The following C12orf76 variants were observed in gnomAD, a reference collection of about 807,000 sequenced individuals.
C12orf76 encodes the protein chromosome 12 open reading frame 76, also known as uncharacterized protein C12orf76.
C12orf76 carries 6 observed loss-of-function variants against 6.8 expected under a neutral mutation model. The observed-to-expected ratio is 0.88, with a 90% CI of 0.48 to 1.73. C12orf76 has a LOEUF of 1.73. Ranked by LOEUF, C12orf76 falls within the 40% of genes most tolerant of loss-of-function variation. The pLI is 0.01. For synonymous variants in C12orf76, 56 were observed against 43.7 expected (o/e 1.28, Z -1.11); for missense variants, 99 against 98.2 (o/e 1.01, Z -0.03).
At chr12:110,068,234 G>A (rs1310945088), upstream of C12orf76, among the ~76,000 whole-genome samples, 5 of 126,894 alleles carry the variant, frequency 3.9e-5, no homozygotes, top group Admixed American at 4.4e-4. Context: ...AAGGAGAAGA[G>A]AAGAAGAAGA....
chr12:110,066,004 T>C, exon 2 of C12orf76: 1 of 1,607,100 alleles, frequency 6.2e-7, no homozygotes, highest in East Asian at 2.2e-5. Flanking sequence ...TCTCTGACCT[T>C]CTGACCTCCC....
upstream of C12orf76, among the ~76,000 whole-genome samples, chr12:110,053,392 C>T (rs190763316): frequency 2.0e-4 from 31 of 151,304 alleles, no homozygotes; most frequent in African/African-American, 6.1e-4. Context: ...CCAGCTACTC[C>T]GGAGGCTGAG....
At chr12:110,068,262 G>GAA (rs1231107743), upstream of C12orf76, among the ~76,000 whole-genome samples, 100 of 99,106 alleles carry the variant, frequency 1.0e-3, 1 homozygote, top group Non-Finnish European at 1.5e-3. Context: ...AGAAGAAGAA[G>GAA]AAGAAGAAGA....
chr12:110,049,744 ATGG>A (rs1892544277), upstream of C12orf76: 1 of 152,238 alleles, frequency 6.6e-6, no homozygotes, highest in Non-Finnish European at 1.5e-5. Flanking sequence ...AGGGGATGCG[ATGG>A]CTTGGCTTGG....
At chr12:110,064,886 C>T (rs1010694752) in intron 2 of C12orf76, among the ~76,000 whole-genome samples, 4 of 152,178 alleles carry the variant, frequency 2.6e-5, no homozygotes, top group Non-Finnish European at 5.9e-5. Flanking sequence ...CCTGTGGGTG[C>T]AGGAGAGAAG....
intron 4 of C12orf76, chr12:110,056,891 T>C (rs1892677365): frequency 3.3e-6 from 1 of 298,554 alleles, no homozygotes; most frequent in Non-Finnish European, 6.3e-6. Flanking sequence ...CCCAGCCATG[T>C]GGAACTGTGA....
intron 1 of C12orf76, among the ~76,000 whole-genome samples, chr12:110,073,218 C>G (rs1892981921): frequency 6.6e-6 from 1 of 152,192 alleles, no homozygotes; most frequent in Non-Finnish European, 1.5e-5. Context: ...TCCCGCTCGC[C>G]TTCCATGGCT....
chr12:110,071,111 G>C (rs1348736848), upstream of C12orf76, among the ~76,000 whole-genome samples: 1 of 152,072 alleles, frequency 6.6e-6, no homozygotes, highest in Non-Finnish European at 1.5e-5. Context: ...TTGTTGAGTA[G>C]TAAAAATAGG....
At chr12:110,062,154 C>G (rs1396410837) in intron 2 of C12orf76, among the ~76,000 whole-genome samples, 1 of 152,058 alleles carries the variant, frequency 6.6e-6, no homozygotes, top group Non-Finnish European at 1.5e-5. Flanking sequence ...ATCCCAGCTA[C>G]TTAGGAAGCT....
exon 1 of C12orf76, chr12:110,073,527 C>T: frequency 1.9e-6 from 1 of 518,436 alleles, no homozygotes; most frequent in Non-Finnish European, 3.9e-6. Context: ...ATCACTGCAG[C>T]TGCAGCAGGC....
At chr12:110,048,534 C>T (rs530949041), upstream of C12orf76, 4 of 1,376,950 alleles carry the variant, frequency 2.9e-6, no homozygotes, top group South Asian at 6.5e-5. Context: ...CCACTTCCGT[C>T]GCAAGCCCTG....
chr12:110,048,737 T>C, upstream of C12orf76: 1 of 1,073,974 alleles, frequency 9.3e-7, no homozygotes, highest in Non-Finnish European at 1.2e-6. Context: ...TGTGCCAACG[T>C]TCGCCGCGAT....
At chr12:110,068,264 AGAAGAAGAAG>A (rs1170332481), upstream of C12orf76, among the ~76,000 whole-genome samples, 18 of 113,260 alleles carry the variant, frequency 1.6e-4, no homozygotes, top group Admixed American at 2.6e-4. Context: ...AAGAAGAAGA[AGAAGAAGAAG>A]AAGAAGAAGA....
intron 1 of C12orf76, among the ~76,000 whole-genome samples, chr12:110,044,712 G>A (rs1190182537): frequency 6.6e-6 from 1 of 151,880 alleles, no homozygotes; most frequent in Non-Finnish European, 1.5e-5. Flanking sequence ...AGTGGCTCAC[G>A]CCTGTAATCC....
At chr12:110,073,579 G>C (rs1409327329) in exon 1 of C12orf76, 5 of 486,454 alleles carry the variant, frequency 1.0e-5, no homozygotes, top group Non-Finnish European at 2.1e-5. Context: ...GGCTGGACCA[G>C]GGCTCAACTC....
intron 1 of C12orf76, among the ~76,000 whole-genome samples, chr12:110,066,847 G>A (rs1253026778): frequency 6.6e-6 from 1 of 152,200 alleles, no homozygotes; most frequent in Non-Finnish European, 1.5e-5. Flanking sequence ...TGGGAAATAG[G>A]TGTCCAGCCA....
chr12:110,056,043 A>G (rs985106298), intron 4 of C12orf76, among the ~76,000 whole-genome samples: 2 of 151,386 alleles, frequency 1.3e-5, no homozygotes, highest in Non-Finnish European at 2.9e-5. Flanking sequence ...ATTGCACTCC[A>G]GCCTGGGCAA....
intron 4 of C12orf76, among the ~76,000 whole-genome samples, chr12:110,055,787 T>G (rs1892657168): frequency 6.6e-6 from 1 of 152,104 alleles, no homozygotes; most frequent in Non-Finnish European, 1.5e-5. Flanking sequence ...GAAGCTGTCT[T>G]CTTGTGCTGA....
chr12:110,042,520 C>T, intron 1 of C12orf76, 61 bp from the exon 2 acceptor site: 1 of 1,061,216 alleles, frequency 9.4e-7, no homozygotes, highest in Non-Finnish European at 1.5e-6. Context: ...TTCATCCACT[C>T]ACTGCCAATG....
Sources: gnomAD v4.1 joint callset for allele counts (sites outside exome capture counted in the v4.1 genomes callset) on GRCh38, gnomAD v4.1.1 for gene constraint, MANE v1.5 for transcripts, NCBI Gene and HGNC (gene_info 2026-07-23, HGNC 2026-07-21) for gene names.